The following MTMR6 variants were observed in gnomAD, a reference collection of about 807,000 sequenced individuals.
MTMR6 encodes phosphatidylinositol-3,5-bisphosphate 3-phosphatase MTMR6.
Under a neutral mutation model 80.1 loss-of-function variants are expected in MTMR6, and 47 were observed. That is an observed-to-expected ratio of 0.59 (90% CI 0.46 to 0.75). MTMR6 has a LOEUF of 0.75. Ranked by LOEUF, MTMR6 falls within the 30% of genes least tolerant of loss-of-function variation. The pLI, the probability that MTMR6 is intolerant of heterozygous loss-of-function variation, is 0.00. For synonymous variants in MTMR6, 254 were observed against 253.0 expected, an observed-to-expected ratio of 1.00 and a Z score of -0.04; for missense variants, 629 against 730.9, an observed-to-expected ratio of 0.86 and a Z score of 1.61.
intron 1 of MTMR6, among the ~76,000 whole-genome samples, chr13:25,275,099 GA>G (rs58170383): frequency 2.0e-5 from 3 of 151,512 alleles, no homozygotes; most frequent in African/African-American, 7.3e-5. Context: ...TCATCCTTAC[GA>G]AAAAAAGTGA....
At chr13:25,257,907 C>G (rs973657972) in intron 7 of MTMR6, 62 bp from the exon 8 acceptor site, 1 of 1,173,114 alleles carries the variant, frequency 8.5e-7, no homozygotes, top group Non-Finnish European at 1.2e-6. Flanking sequence ...TTTCTTTTTT[C>G]AAGATCTCTC....
intron 1 of MTMR6, among the ~76,000 whole-genome samples, chr13:25,274,939 G>GACAGACAGACACAC (rs141646990): frequency 2.3e-5 from 1 of 42,968 alleles, no homozygotes; most frequent in Admixed American, 2.6e-4. Context: ...CTAGTAGACA[G>GACAGACAGACACAC]ACACACACAC....
chr13:25,256,030 T>C (rs1957200413), intron 9 of MTMR6, among the ~76,000 whole-genome samples: 1 of 152,202 alleles, frequency 6.6e-6, no homozygotes. Flanking sequence ...AAGTTACTGT[T>C]TGCTTGTTTA....
At position 25,265,921 on chromosome 13, in the gene MTMR6, A is replaced by T. The variant is rs964351744; in HGVS notation, c.489T>A (p.Leu163=). The change falls in exon 5 of 14, where the codon CTT becomes CTA. Residue 163 remains leucine, a synonymous_variant. Transcript: ENST00000381801. Reference sequence around the variant, plus strand: ...GTTTGCTTGCTATCCGGGGAACATAAAGTTCTCTGGGGTAAGTTTCACAAA... The same window carrying T: ...GTTTGCTTGCTATCCGGGGAACATATAGTTCTCTGGGGTAAGTTTCACAAA... ...YKICETYPRE[L]YVPRIASKPI... The T allele has an allele frequency of 6.2e-7, 1 of 1,614,018 alleles. No individual in the cohort carries two copies.
At chr13:25,283,111 T>G (rs1957893286) in intron 1 of MTMR6, among the ~76,000 whole-genome samples, 2 of 151,850 alleles carry the variant, frequency 1.3e-5, no homozygotes, top group South Asian at 2.1e-4. Flanking sequence ...CACCTAAGCT[T>G]CTTCTATCCA....
intron 2 of MTMR6, among the ~76,000 whole-genome samples, chr13:25,273,009 A>G (rs1957616141): frequency 6.6e-6 from 1 of 152,182 alleles, no homozygotes; most frequent in South Asian, 2.1e-4. Flanking sequence ...TATAAAATCA[A>G]TAAAAGACAA....
intron 3 of MTMR6, among the ~76,000 whole-genome samples, 195 bp downstream of exon 3, chr13:25,267,584 T>C (rs2137574673): frequency 6.6e-6 from 1 of 152,348 alleles, no homozygotes; most frequent in South Asian, 2.1e-4. Context: ...CCATTACCCC[T>C]TCTGATGACA....
chr13:25,265,731 CAA>C (rs371486423), intron 5 of MTMR6, 86 bp downstream of exon 5: 23,511 of 1,148,932 alleles, frequency 0.02, no homozygotes, highest in South Asian at 0.036. Context: ...GACCCTATCT[CAA>C]AAAAAAAAAA....
In MTMR6 at chr13:25,246,821, C is replaced by T. The variant is rs1261763810; in HGVS notation, c.*2411G>A. 6.6e-6 allele frequency: 1 copy of T among 152,508 alleles called. No homozygotes were observed. The highest frequency in any genetic ancestry group is 6.5e-5 in the Admixed American group (1 of 15,276). The allele number at this position is 152,508 out of a possible 1,614,324, so 9.4% of individuals were successfully genotyped here. ...CAAGATTCCCTGAGCTACTTCTAGC[C>T]TAGCTGACCTTTTCAAAACACCCTC... On this transcript the variant is annotated 3_prime_UTR_variant, in exon 14 of 14. Coordinates refer to ENST00000381801, the MANE Select transcript of MTMR6 (RefSeq NM_004685.5).
At chr13:25,269,834 T>C (rs897079751) in intron 2 of MTMR6, among the ~76,000 whole-genome samples, 22 of 152,034 alleles carry the variant, frequency 1.4e-4, no homozygotes, top group Non-Finnish European at 2.9e-4. Context: ...CACACACACA[T>C]ATATAGTCCT....
chr13:25,266,728 T>C (rs1366705252), intron 3 of MTMR6, among the ~76,000 whole-genome samples: 2 of 152,212 alleles, frequency 1.3e-5, no homozygotes, highest in Non-Finnish European at 2.9e-5. Context: ...AAATGGCAAC[T>C]GTTGCACAGA....
intron 1 of MTMR6, among the ~76,000 whole-genome samples, chr13:25,278,875 A>G (rs912721993): frequency 1.3e-5 from 2 of 152,064 alleles, no homozygotes; most frequent in African/African-American, 4.8e-5. Context: ...ACAGAGCGAG[A>G]CTCTGTCATA....
chr13:25,269,618 G>A (rs1957526960), intron 2 of MTMR6, among the ~76,000 whole-genome samples: 1 of 151,904 alleles, frequency 6.6e-6, no homozygotes, highest in African/African-American at 2.4e-5. Context: ...AATCTGCTTT[G>A]TTTTGTAGTG....
rs1957450906 is a variant in MTMR6, at chr13:25,266,198, A to G, written c.393T>C (p.Ala131=). 1.9e-6 allele frequency: 3 copies of G among 1,614,004 alleles called. No individual in the cohort carries two copies. The highest frequency in any genetic ancestry group is 2.7e-5 in the African/African-American group (2 of 74,924). ...GCACTCCCATCCTCTTATATTCCTC[A>G]GCGAGATCAATGAGCTGCCAGCCTT... ...RLQGWQLIDL[A]EEYKRMGVPN... is the part of the protein sequence containing the mutation. The change falls in exon 4 of 14, where the codon GCT becomes GCC. Residue 131 remains alanine (A), a synonymous_variant. Coordinates refer to ENST00000381801, the MANE Select transcript of MTMR6 (RefSeq NM_004685.5).
chr13:25,272,111 C>A (rs991370952), intron 2 of MTMR6, among the ~76,000 whole-genome samples: 1 of 152,064 alleles, frequency 6.6e-6, no homozygotes, highest in Non-Finnish European at 1.5e-5. Context: ...GTCGTCTATA[C>A]GAAAACATAA....
chr13:25,250,605 G>A (rs1013428182), intron 13 of MTMR6, among the ~76,000 whole-genome samples: 10 of 152,128 alleles, frequency 6.6e-5, no homozygotes, highest in African/African-American at 2.4e-4. Context: ...ATCCAAAACT[G>A]AAAACAATTT....
intron 3 of MTMR6, 103 bp downstream of exon 3, chr13:25,267,676 A>G (rs1957488309): frequency 2.5e-6 from 3 of 1,206,574 alleles, no homozygotes; most frequent in Non-Finnish European, 2.3e-6. Flanking sequence ...CCTGACTGTC[A>G]GAGCAAAAAA....
At chr13:25,257,093 T>C in intron 9 of MTMR6, 103 bp downstream of exon 9, 1 of 1,231,254 alleles carries the variant, frequency 8.1e-7, no homozygotes, top group Non-Finnish European at 1.1e-6. Context: ...GTCTCATCAT[T>C]TCCTTTAGTG....
chr13:25,265,675 T>C, intron 5 of MTMR6, 144 bp downstream of exon 5: 2 of 877,488 alleles, frequency 2.3e-6, no homozygotes, highest in South Asian at 1.9e-5. Flanking sequence ...GAGGTTGCAG[T>C]GAGCCAAGAT....
Sources: gnomAD v4.1 joint callset for allele counts (sites outside exome capture counted in the v4.1 genomes callset) on GRCh38, gnomAD v4.1.1 for gene constraint, MANE v1.5 for transcripts, NCBI Gene and HGNC (gene_info 2026-07-23, HGNC 2026-07-21) for gene names.